HS2ST1: variants seen among roughly 807,000 people sequenced by gnomAD.
HS2ST1 encodes the protein heparan sulfate 2-O-sulfotransferase 1.
Under a neutral mutation model 42.9 loss-of-function variants are expected in HS2ST1, and 18 were observed. The ratio of observed to expected loss-of-function variants is 0.42; its 90% CI spans 0.29 to 0.62. HS2ST1 has a LOEUF of 0.62. Ranked by LOEUF, HS2ST1 falls within the 20% of genes least tolerant of loss-of-function variation. The pLI is 0.21. For synonymous variants in HS2ST1, 146 were observed against 152.9 expected, an observed-to-expected ratio of 0.95 and a Z score of 0.33; for missense variants, 334 against 433.8, an observed-to-expected ratio of 0.77 and a Z score of 2.04.
chr1:87,062,561 C>T lies in HS2ST1; in HGVS notation c.125-10373C>T, dbSNP rs1570522061. Among the ~76,000 whole-genome samples the T allele has an allele frequency of 3.9e-5, 6 of 152,220 alleles. No individual in the cohort carries two copies. The East Asian group carries it at 1.2e-3, about 29-fold the overall frequency. ...GCCGTAATAATTTTGCTTTCTCTGT[C>T]AAACTTGCTTTTGAAAACTCAAGAG... is the stretch of plus-strand genomic sequence containing the variant. On this transcript the variant is annotated intron_variant, in intron 1 of 6. Coordinates refer to ENST00000370550, the MANE Select transcript of HS2ST1 (RefSeq NM_012262.4).
chr1:87,060,947 T>C (rs1651105277), intron 1 of HS2ST1, among the ~76,000 whole-genome samples: 1 of 152,108 alleles, frequency 6.6e-6, no homozygotes, highest in African/African-American at 2.4e-5. Flanking sequence ...TTAACTCCAA[T>C]ATATTTTTAG....
At chr1:87,030,207 A>G (rs1389557577) in intron 1 of HS2ST1, among the ~76,000 whole-genome samples, 2 of 152,184 alleles carry the variant, frequency 1.3e-5, no homozygotes, top group Non-Finnish European at 2.9e-5. Context: ...AAGATATACA[A>G]GTTCATTTGG....
chr1:86,932,398 T>C (rs1570429348), intron 1 of HS2ST1: 1 of 152,108 alleles, frequency 6.6e-6, no homozygotes, highest in Non-Finnish European at 1.5e-5. Context: ...GTTCATGATA[T>C]ACCATGTACC....
intron 1 of HS2ST1, among the ~76,000 whole-genome samples, chr1:86,919,418 T>C (rs1200381738): frequency 6.6e-6 from 1 of 152,234 alleles, no homozygotes; most frequent in Non-Finnish European, 1.5e-5. Context: ...TTCTGTATTT[T>C]ATTATAGTAT....
At chr1:86,925,807 T>C (rs116300291) in intron 1 of HS2ST1, among the ~76,000 whole-genome samples, 1,832 of 152,300 alleles carry the variant, frequency 0.012, 45 homozygotes, top group African/African-American at 0.042. Context: ...TTATAATAAC[T>C]CTTTCTGGTG....
At chr1:87,035,806 C>T (rs891609755) in intron 1 of HS2ST1, among the ~76,000 whole-genome samples, 4 of 150,616 alleles carry the variant, frequency 2.7e-5, no homozygotes, top group Non-Finnish European at 4.4e-5. Flanking sequence ...TCAGAGAAGA[C>T]GAAAGACTTT....
chr1:87,085,401 ATAATCT>A (rs1651796874), intron 3 of HS2ST1, among the ~76,000 whole-genome samples: 1 of 152,186 alleles, frequency 6.6e-6, no homozygotes, highest in Non-Finnish European at 1.5e-5. Flanking sequence ...ATTCAAACTG[ATAATCT>A]TAACTTTTTG....
intron 1 of HS2ST1, among the ~76,000 whole-genome samples, chr1:86,995,721 A>G (rs182206150): frequency 6.6e-6 from 1 of 152,292 alleles, no homozygotes; most frequent in African/African-American, 2.4e-5. Context: ...GGCATTACAT[A>G]CCAAACAGGA....
At chr1:87,000,682 A>G (rs1226030781) in intron 1 of HS2ST1, among the ~76,000 whole-genome samples, 1 of 152,212 alleles carries the variant, frequency 6.6e-6, no homozygotes, top group South Asian at 2.1e-4. Context: ...GACTTTGCCC[A>G]GTTTCACTCT....
At chr1:87,072,043 G>T (rs1206027428) in intron 1 of HS2ST1, among the ~76,000 whole-genome samples, 1 of 151,856 alleles carries the variant, frequency 6.6e-6, no homozygotes, top group African/African-American at 2.4e-5. Context: ...AGAATGTATA[G>T]ATATTTGAAT....
rs78922340 is a variant in HS2ST1, at chr1:87,065,354, C to T, written c.125-7580C>T. Among the ~76,000 whole-genome samples, 150 of 152,326 alleles carry T rather than the reference C, an allele frequency of 9.8e-4. No individual in the cohort carries two copies. The East Asian group carries it at 0.022, about 22-fold the overall frequency. Reference sequence around the variant, plus strand: ...CAATAGGCATACTTGCCAGGAGGATCTGACTAGACAAATTGATATGCCAAG... The same window carrying T: ...CAATAGGCATACTTGCCAGGAGGATTTGACTAGACAAATTGATATGCCAAG... On this transcript the variant is annotated intron_variant, in intron 1 of 6. Coordinates refer to ENST00000370550, the MANE Select transcript of HS2ST1 (RefSeq NM_012262.4).
chr1:87,072,937 G>C lies in HS2ST1; in HGVS notation c.128G>C (p.Arg43Thr). ...KLEESRSKLE[R>T]AIARHEVREI... ...TCGTATCTGTTTTTCTTTCCAGAAA[G>C]GGCTATTGCAAGACACGAAGTCCGA... The change falls in exon 2 of 7, where the codon AGG becomes ACG. Residue 43 changes from arginine (R) to threonine (T), a missense_variant. Arg to Thr is a moderately conservative substitution (Grantham distance 71). Coordinates refer to ENST00000370550, the MANE Select transcript of HS2ST1 (RefSeq NM_012262.4). 6.2e-7 allele frequency: 1 copy of C among 1,612,246 alleles called. No individual in the cohort carries two copies. The highest frequency in any genetic ancestry group is 8.5e-7 in the Non-Finnish European group (1 of 1,178,446).
At chr1:87,043,648 T>G (rs937610886) in intron 1 of HS2ST1, among the ~76,000 whole-genome samples, 11 of 152,122 alleles carry the variant, frequency 7.2e-5, no homozygotes, top group African/African-American at 2.7e-4. Flanking sequence ...TAAGTGTGGT[T>G]GTTTGGAACC....
chr1:86,949,548 T>A (rs1031218015), intron 1 of HS2ST1, among the ~76,000 whole-genome samples: 15 of 152,258 alleles, frequency 9.9e-5, no homozygotes, highest in African/African-American at 3.1e-4. Flanking sequence ...CCACCCTGGG[T>A]GACAGAGCGA....
chr1:86,940,994 G>T (rs1217209427), intron 1 of HS2ST1, among the ~76,000 whole-genome samples: 1 of 151,816 alleles, frequency 6.6e-6, no homozygotes, highest in African/African-American at 2.4e-5. Context: ...CTCAAAAAAA[G>T]AAAAAACACA....
intron 5 of HS2ST1, among the ~76,000 whole-genome samples, chr1:87,101,149 G>GTGTTTTTTT (rs1557546421): frequency 1.7e-5 from 1 of 59,540 alleles, no homozygotes; most frequent in Admixed American, 2.8e-4. Flanking sequence ...GTGTGTGTGT[G>GTGTTTTTTT]TTTTTTGTTT....
At chr1:87,057,588 A>C (rs1651002600) in intron 1 of HS2ST1, among the ~76,000 whole-genome samples, 1 of 148,684 alleles carries the variant, frequency 6.7e-6, no homozygotes. Context: ...TTTTAAAGAC[A>C]AAGTCTCACT....
intron 1 of HS2ST1, among the ~76,000 whole-genome samples, chr1:86,956,823 T>C (rs914198270): frequency 6.6e-6 from 1 of 152,202 alleles, no homozygotes; most frequent in Non-Finnish European, 1.5e-5. Flanking sequence ...TTCTACATGG[T>C]TTTCTCTTTA....
intron 1 of HS2ST1, among the ~76,000 whole-genome samples, chr1:86,941,070 C>T (rs1481668784): frequency 6.6e-6 from 1 of 152,154 alleles, no homozygotes; most frequent in Non-Finnish European, 1.5e-5. Flanking sequence ...CTGTAATATG[C>T]TGTAGAACTG....
Sources: allele counts gnomAD v4.1 joint callset (sites outside exome capture counted in the v4.1 genomes callset), GRCh38; gene constraint gnomAD v4.1.1; transcripts MANE v1.5; gene names NCBI Gene and HGNC (gene_info 2026-07-23, HGNC 2026-07-21).